Variants in OTUD7A observed in about 807,000 individuals in gnomAD.
The protein encoded by OTUD7A is OTU domain-containing protein 7A.
In OTUD7A, 12 loss-of-function variants were observed where a neutral mutation model predicts 65.7. The ratio of observed to expected loss-of-function variants is 0.18; its 90% CI spans 0.12 to 0.30. The LOEUF is 0.30. Ranked by LOEUF, OTUD7A falls within the 10% of genes least tolerant of loss-of-function variation. OTUD7A has a pLI of 1.00. For missense variants in OTUD7A, 1,148 were observed against 1,304.8 expected, an observed-to-expected ratio of 0.88 and a Z score of 1.85; for synonymous variants, 641 against 586.3, an observed-to-expected ratio of 1.09 and a Z score of -1.35.
intron 1 of OTUD7A, among the ~76,000 whole-genome samples, chr15:31,686,023 T>C (rs573655482): frequency 6.6e-6 from 1 of 152,350 alleles, no homozygotes; most frequent in African/African-American, 2.4e-5. Flanking sequence ...ACTGTGTCTC[T>C]TTCCATGGCT....
intron 3 of OTUD7A, among the ~76,000 whole-genome samples, chr15:31,652,867 A>G (rs145624693): frequency 1.3e-5 from 2 of 152,330 alleles, no homozygotes; most frequent in African/African-American, 4.8e-5. Context: ...TGGAGCTCTC[A>G]GGCACTGCTG....
At chr15:31,676,431 C>G (rs569965487) in intron 1 of OTUD7A, among the ~76,000 whole-genome samples, 2 of 152,292 alleles carry the variant, frequency 1.3e-5, no homozygotes, top group Admixed American at 1.3e-4. Context: ...TAAAAGTATC[C>G]ATGTGGCCAG....
In OTUD7A at chr15:31,790,410, G is replaced by A. The variant is rs371643840; in HGVS notation, c.-100+80097C>T. Among the ~76,000 whole-genome samples the A allele has an allele frequency of 5.9e-5, 9 of 152,364 alleles. No individual in the cohort carries two copies. In the East Asian group the frequency reaches 1.2e-3, roughly 20 times the overall value. The stretch of plus-strand genomic sequence containing the variant: ...ACCTTCATGTTATGAGAACAGTGAG[G>A]CCCTAAAAGGAGAGGCCATGTCTGG... On this transcript the variant is annotated intron_variant, in intron 1 of 12. Coordinates refer to ENST00000307050, the MANE Select transcript of OTUD7A (RefSeq NM_001382637.1).
In OTUD7A at chr15:31,814,283, C is replaced by T. The variant is rs536586249; in HGVS notation, c.-100+56224G>A. Among the ~76,000 whole-genome samples, 188 of 152,320 alleles carry T rather than the reference C, an allele frequency of 1.2e-3. 1 individual carries two copies. The highest frequency in any genetic ancestry group is 4.3e-3 in the African/African-American group (178 of 41,568). On this transcript the variant is annotated intron_variant, in intron 1 of 12. Transcript: ENST00000307050. Reference sequence around the variant, plus strand: ...CTCCAGCTGGAAATTACACACAGCACTCCCATTCACAATTCACCAGGCAGA... The same window carrying T: ...CTCCAGCTGGAAATTACACACAGCATTCCCATTCACAATTCACCAGGCAGA...
At chr15:31,794,081 C>A (rs1895888008) in intron 1 of OTUD7A, among the ~76,000 whole-genome samples, 1 of 152,176 alleles carries the variant, frequency 6.6e-6, no homozygotes, top group South Asian at 2.1e-4. Context: ...CACATTTAAA[C>A]CTCTATTTTT....
chr15:31,798,905 G>A (rs1221104782), intron 1 of OTUD7A, among the ~76,000 whole-genome samples: 2 of 152,130 alleles, frequency 1.3e-5, no homozygotes, highest in Admixed American at 6.5e-5. Context: ...TCTTTTTGCA[G>A]GGAGCTGCAA....
At chr15:31,594,881 G>C (rs1889857235) in intron 3 of OTUD7A, among the ~76,000 whole-genome samples, 1 of 152,218 alleles carries the variant, frequency 6.6e-6, no homozygotes, top group South Asian at 2.1e-4. Context: ...TGTCCACCCA[G>C]GAGCACTTGT....
rs771255591 is a variant in OTUD7A, at chr15:31,527,181, C to T, written c.780G>A (p.Glu260=). Residue 260 remains glutamate (E), a splice_region_variant and synonymous_variant, in exon 7 of 13, where the codon GAG becomes GAA. Transcript: ENST00000307050. The part of the protein sequence containing the change: ...WRWQQTQQNK[E]SGLVYTEEEW... Reference sequence around the variant, plus strand: ...TCTGGCCATGCCAGTGGATACCAACCTCCTTATTCTGCTGCGTCTGCTGCC... The same window carrying T: ...TCTGGCCATGCCAGTGGATACCAACTTCCTTATTCTGCTGCGTCTGCTGCC... 7 of 1,614,012 alleles carry T rather than the reference C, an allele frequency of 4.3e-6. No individual in the cohort carries two copies. The African/African-American group carries it at 5.3e-5, about 12-fold the overall frequency.
At chr15:31,815,974 C>T (rs1896538809) in intron 1 of OTUD7A, among the ~76,000 whole-genome samples, 1 of 152,194 alleles carries the variant, frequency 6.6e-6, no homozygotes, top group Admixed American at 6.5e-5. Flanking sequence ...CCATGCTCCT[C>T]CCTCAGCCAA....
chr15:31,749,074 T>C (rs1268377421), intron 1 of OTUD7A, among the ~76,000 whole-genome samples: 4 of 132,456 alleles, frequency 3.0e-5, no homozygotes, highest in Non-Finnish European at 6.1e-5. Context: ...CACTCATAGG[T>C]GGGAATTGAA....
At chr15:31,734,763 A>C (rs1214077145) in intron 1 of OTUD7A, among the ~76,000 whole-genome samples, 2 of 151,920 alleles carry the variant, frequency 1.3e-5, no homozygotes, top group African/African-American at 4.8e-5. Context: ...CTCAAGATGG[A>C]TTAAAGACTT....
chr15:31,627,114 A>G (rs1433797254), intron 3 of OTUD7A, among the ~76,000 whole-genome samples: 2 of 151,648 alleles, frequency 1.3e-5, no homozygotes, highest in African/African-American at 4.8e-5. Context: ...TATACTTTTA[A>G]GTTTTAGGGT....
At chr15:31,796,138 G>T (rs1895946851) in intron 1 of OTUD7A, among the ~76,000 whole-genome samples, 1 of 35,752 alleles carries the variant, frequency 2.8e-5, no homozygotes, top group Non-Finnish European at 9.3e-5. Flanking sequence ...ACCAGTAAGG[G>T]GTGCGTGTGT....
chr15:31,489,752 C>CGGCA (rs749779451), intron 10 of OTUD7A, among the ~76,000 whole-genome samples: 3 of 152,230 alleles, frequency 2.0e-5, no homozygotes, highest in Non-Finnish European at 4.4e-5. Flanking sequence ...TAAGCTAAGA[C>CGGCA]GGCACCCCAG....
At position 31,477,669 on chromosome 15, in the gene OTUD7A, C is replaced by CT. The variant is rs1566873119; in HGVS notation, c.*5624dup. 1 of 152,096 alleles carries CT rather than the reference C, an allele frequency of 6.6e-6. No homozygotes were observed. The highest frequency in any genetic ancestry group is 1.5e-5 in the Non-Finnish European group (1 of 68,010). The allele number at this position is 152,096 out of a possible 1,614,324, so 9.4% of individuals were successfully genotyped here. A position where few individuals can be genotyped will look rare whatever the true frequency, so the allele number is the denominator to read the frequency against. The stretch of plus-strand genomic sequence containing the variant: ...GTTTTCAATTTACTGATTTAATTTC[C>CT]TTTTTTCAATAAATACTTATCCAGT... On this transcript the variant is annotated 3_prime_UTR_variant, in exon 13 of 13. Transcript: ENST00000307050.
At chr15:31,751,184 A>G (rs540646351) in intron 1 of OTUD7A, among the ~76,000 whole-genome samples, 3 of 152,220 alleles carry the variant, frequency 2.0e-5, no homozygotes, top group Non-Finnish European at 4.4e-5. Context: ...ACAAAGGACT[A>G]ATATCCATAA....
At chr15:31,516,606 A>C (rs548516054) in intron 8 of OTUD7A, among the ~76,000 whole-genome samples, 84 of 152,324 alleles carry the variant, frequency 5.5e-4, no homozygotes, top group African/African-American at 2.0e-3. Context: ...GGGCATTAGA[A>C]GTAGAACACC....
intron 12 of OTUD7A, among the ~76,000 whole-genome samples, chr15:31,486,836 C>T (rs2041244831): frequency 6.6e-6 from 1 of 152,248 alleles, no homozygotes; most frequent in African/African-American, 2.4e-5. Context: ...TTGTGACTTG[C>T]CTGTGGCTTG....
intron 1 of OTUD7A, among the ~76,000 whole-genome samples, chr15:31,749,658 C>T (rs2099478109): frequency 6.6e-6 from 1 of 152,124 alleles, no homozygotes; most frequent in African/African-American, 2.4e-5. Flanking sequence ...CATGAGGATG[C>T]CCACTTTCAC....
Sources: allele counts gnomAD v4.1 joint callset (sites outside exome capture counted in the v4.1 genomes callset), GRCh38; gene constraint gnomAD v4.1.1; transcripts MANE v1.5; gene names NCBI Gene and HGNC (gene_info 2026-07-23, HGNC 2026-07-21).